Variants in SLC16A7 observed in about 807,000 individuals in gnomAD.
SLC16A7 encodes solute carrier family 16 member 7, also known as monocarboxylate transporter 2.
Under a neutral mutation model 34.9 loss-of-function variants are expected in SLC16A7, and 33 were observed. That is an observed-to-expected ratio of 0.94 (90% confidence interval 0.72 to 1.26). The LOEUF (loss-of-function observed/expected upper bound fraction) is 1.26. Ranked by LOEUF, SLC16A7 falls within the 50% of genes most tolerant of loss-of-function variation. The pLI is 0.00. For synonymous variants in SLC16A7, 201 were observed against 206.6 expected (o/e 0.97, Z 0.23); for missense variants, 573 against 578.1 (o/e 0.99, Z 0.09).
intron 2 of SLC16A7, chr12:59,689,344 C>T (rs975861475): frequency 6.6e-6 from 1 of 151,864 alleles, no homozygotes; most frequent in Non-Finnish European, 1.5e-5. Context: ...TAAGTATGTT[C>T]AGGATTCTAA....
intron 1 of SLC16A7, among the ~76,000 whole-genome samples, chr12:59,610,049 A>G (rs1255670562): frequency 6.6e-6 from 1 of 152,190 alleles, no homozygotes; most frequent in African/African-American, 2.4e-5. Context: ...CTGGCTGGTT[A>G]GGAAACAAAG....
At chr12:59,662,327 G>T (rs1868897306) in intron 2 of SLC16A7, among the ~76,000 whole-genome samples, 1 of 152,018 alleles carries the variant, frequency 6.6e-6, no homozygotes, top group Non-Finnish European at 1.5e-5. Flanking sequence ...AGAACTTATT[G>T]TCATGTTTTA....
rs1303347552 is a variant in SLC16A7 at position 59,780,795 on chromosome 12, G to T, written c.*1116G>T. On this transcript the variant is annotated 3_prime_UTR_variant, in exon 6 of 6. Coordinates refer to ENST00000547379, the MANE Select transcript of SLC16A7 (RefSeq NM_001270623.2). ...ATCTGACTACGACTAAGAGAGTGAG[G>T]GGTGGTTTTAATGAACCCTCTAAGC... The T allele has an allele frequency of 6.6e-6, 1 of 152,050 alleles. No homozygotes were observed. The highest frequency in any genetic ancestry group is 1.5e-5 in the Non-Finnish European group (1 of 68,008). The allele number at this position is 152,050 out of a possible 1,614,324, so 9.4% of individuals were successfully genotyped here. A position where few individuals can be genotyped will look rare whatever the true frequency, so the allele number is the denominator to read the frequency against.
chr12:59,715,709 T>G (rs995340311), intron 3 of SLC16A7, among the ~76,000 whole-genome samples: 9 of 152,174 alleles, frequency 5.9e-5, no homozygotes, highest in Non-Finnish European at 1.2e-4. Flanking sequence ...GAGTATTGAT[T>G]TTAAGGTTAC....
intron 2 of SLC16A7, among the ~76,000 whole-genome samples, chr12:59,672,888 G>A (rs1391182458): frequency 1.3e-5 from 2 of 152,058 alleles, no homozygotes; most frequent in Non-Finnish European, 1.5e-5. Context: ...ATTCTTACCT[G>A]GATGGAAGGC....
chr12:59,653,180 T>C (rs1868376816), intron 1 of SLC16A7, among the ~76,000 whole-genome samples: 1 of 151,812 alleles, frequency 6.6e-6, no homozygotes, highest in South Asian at 2.1e-4. Flanking sequence ...TAAAATTAAC[T>C]GTAATATTCT....
rs1252060547 is a variant in SLC16A7 at position 59,787,137 on chromosome 12, T to C, written c.*7458T>C. On this transcript the variant is annotated 3_prime_UTR_variant, in exon 6 of 6. Transcript: ENST00000547379. ...GTCAATATCTCATTAATTCCTTTTTTATTTTATGTTCCTTTTTATTTTAGA... is the reference window on the plus strand; with the variant it reads ...GTCAATATCTCATTAATTCCTTTTTCATTTTATGTTCCTTTTTATTTTAGA... 1 of 152,186 alleles carries C rather than the reference T, an allele frequency of 6.6e-6. No homozygotes were observed. The highest frequency in any genetic ancestry group is 2.4e-5 in the African/African-American group (1 of 41,464). 9.4% of individuals were successfully genotyped at this position (152,186 alleles called of 1,614,324 possible).
At position 59,720,632 on chromosome 12, in the gene SLC16A7, C is replaced by G. The variant is rs560635703; in HGVS notation, c.217+15614C>G. Among the ~76,000 whole-genome samples, 9 of 152,168 alleles carry G rather than the reference C, an allele frequency of 5.9e-5. No homozygotes were observed. In the South Asian group the frequency reaches 1.9e-3, roughly 32 times the overall value. ...ATCACCATTATCATCATCCAATCTC[C>G]TCCCCACTCCTTGTCTTCCAGAAGC... On this transcript the variant is annotated intron_variant, in intron 3 of 5. Coordinates refer to ENST00000547379, the MANE Select transcript of SLC16A7 (RefSeq NM_001270623.2).
chr12:59,668,470 A>G (rs903809731), intron 2 of SLC16A7, among the ~76,000 whole-genome samples: 4 of 152,098 alleles, frequency 2.6e-5, no homozygotes, highest in African/African-American at 4.8e-5. Flanking sequence ...TGGATTTAGG[A>G]TGTGTGTGGA....
At chr12:59,728,446 GT>G (rs1338576359) in intron 3 of SLC16A7, among the ~76,000 whole-genome samples, 6 of 152,208 alleles carry the variant, frequency 3.9e-5, no homozygotes, top group Non-Finnish European at 8.8e-5. Context: ...ATCAATATGA[GT>G]TTGCCCCTGG....
chr12:59,683,474 T>C (rs1228261011), intron 2 of SLC16A7, among the ~76,000 whole-genome samples: 1 of 152,092 alleles, frequency 6.6e-6, no homozygotes, highest in Non-Finnish European at 1.5e-5. Context: ...TGAACCATGA[T>C]GATCAAGAGA....
At chr12:59,714,186 A>T (rs1874597804) in intron 3 of SLC16A7, among the ~76,000 whole-genome samples, 1 of 152,160 alleles carries the variant, frequency 6.6e-6, no homozygotes, top group South Asian at 2.1e-4. Flanking sequence ...AGCCCAGAGG[A>T]GGTGAATGTG....
chr12:59,744,007 GTTA>G (rs1369306799), intron 3 of SLC16A7, among the ~76,000 whole-genome samples: 2 of 152,146 alleles, frequency 1.3e-5, no homozygotes, highest in South Asian at 2.1e-4. Context: ...ACTGTTGAAA[GTTA>G]TTATTAGGAT....
chr12:59,604,929 C>A (rs1433494086), intron 1 of SLC16A7, among the ~76,000 whole-genome samples: 1 of 152,220 alleles, frequency 6.6e-6, no homozygotes, highest in African/African-American at 2.4e-5. Context: ...TCACTGCCAG[C>A]TCTGCGTCCT....
At chr12:59,707,001 T>G (rs1592540833) in intron 3 of SLC16A7, among the ~76,000 whole-genome samples, 1 of 152,276 alleles carries the variant, frequency 6.6e-6, no homozygotes, top group Admixed American at 6.6e-5. Context: ...TACAGGTTAT[T>G]TCTTTCTGAA....
At chr12:59,747,521 C>T (rs1367813305) in intron 3 of SLC16A7, among the ~76,000 whole-genome samples, 1 of 152,144 alleles carries the variant, frequency 6.6e-6, no homozygotes, top group Non-Finnish European at 1.5e-5. Flanking sequence ...ATATCTAGAA[C>T]TTGTGATCTT....
chr12:59,637,638 C>A (rs912007422), intron 1 of SLC16A7, among the ~76,000 whole-genome samples: 1 of 152,016 alleles, frequency 6.6e-6, no homozygotes, highest in African/African-American at 2.4e-5. Flanking sequence ...GATATGGGAG[C>A]CTTCAGAAAT....
chr12:59,714,385 A>G (rs1281736320), intron 3 of SLC16A7, among the ~76,000 whole-genome samples: 3 of 152,208 alleles, frequency 2.0e-5, no homozygotes, highest in African/African-American at 7.2e-5. Context: ...GGATTAAACA[A>G]TGGAAATTTA....
chr12:59,664,621 A>G (rs1409530028), intron 2 of SLC16A7: 3 of 152,324 alleles, frequency 2.0e-5, no homozygotes, highest in Admixed American at 1.3e-4. Context: ...ATGTGGCTAC[A>G]TCAACACAAC....
Sources: allele counts gnomAD v4.1 joint callset (sites outside exome capture counted in the v4.1 genomes callset), GRCh38; gene constraint gnomAD v4.1.1; transcripts MANE v1.5; gene names NCBI Gene and HGNC (gene_info 2026-07-23, HGNC 2026-07-21).